GTF3C6: variants seen among roughly 807,000 people sequenced by gnomAD.
GTF3C6 encodes general transcription factor IIIC subunit 6.
A neutral mutation model predicts 19.2 loss-of-function variants in GTF3C6; 11 were observed. The observed-to-expected ratio is 0.57, with a 90% CI of 0.36 to 0.95. The LOEUF is 0.95. Among genes scored for constraint, GTF3C6 ranks in the 40% least tolerant of loss-of-function variants. The probability of loss-of-function intolerance (pLI) is 0.01; values close to 1 mark genes in which losing one functional copy is unlikely to be tolerated. For missense variants in GTF3C6, 222 were observed against 254.7 expected (o/e 0.87, Z 0.87); for synonymous variants, 87 against 84.2 (o/e 1.03, Z -0.18).
At position 110,967,753 on chromosome 6, in the gene GTF3C6, A is replaced by G. The variant is rs1771249731; in HGVS notation, c.605A>G (p.Glu202Gly). The G allele has an allele frequency of 1.2e-6, 2 of 1,611,234 alleles. No individual in the cohort carries two copies. Among genetic ancestry groups the G allele is most frequent in the South Asian group, 1.1e-5 (1 of 90,102 alleles). Reference sequence around the variant, plus strand: ...CTTATTGATATACCTTCTGAGACAGAAGGTTCTGTTTTTATGGAAACTCAA... The same window carrying G: ...CTTATTGATATACCTTCTGAGACAGGAGGTTCTGTTTTTATGGAAACTCAA... ...GPLIDIPSET[E>G]GSVFMETQML... The change falls in exon 6 of 6, where the codon GAA (glutamate) becomes GGA (glycine). Residue 202 changes from glutamate (E) to glycine (G), a missense_variant. Glu to Gly is a moderately conservative substitution (Grantham distance 98, BLOSUM62 -2). Coordinates refer to ENST00000329970, the MANE Select transcript of GTF3C6 (RefSeq NM_138408.4).
chr6:110,966,817 G>A (rs9400435), intron 5 of GTF3C6, among the ~76,000 whole-genome samples: 37,591 of 151,932 alleles, frequency 0.25, 5,370 homozygotes, highest in East Asian at 0.65. Flanking sequence ...ATGTTATTGC[G>A]GGAAAAAAAT....
chr6:110,958,917 C>G, intron 1 of GTF3C6, 91 bp downstream of exon 1: 1 of 1,387,722 alleles, frequency 7.2e-7, no homozygotes, highest in Non-Finnish European at 9.8e-7. Flanking sequence ...AGCTGCGGGC[C>G]GGAGGGAGGC....
chr6:110,960,437 T>C lies in GTF3C6; in HGVS notation c.162T>C (p.Ile54=). The change falls in exon 3 of 6, where the codon ATT becomes ATC. Residue 54 remains isoleucine, a synonymous_variant. Coordinates refer to ENST00000329970, the MANE Select transcript of GTF3C6 (RefSeq NM_138408.4). ...AGGGCATTGACACTGAGAGGCCCAT[T>C]CTGCAAGTGGACAGCTGTGTCTTTG... ...KVLGIDTERP[I]LQVDSCVFAG... is the part of the protein sequence containing the mutation. 1 of 1,613,936 alleles carries C rather than the reference T, an allele frequency of 6.2e-7. No individual in the cohort carries two copies. Among genetic ancestry groups the C allele is most frequent in the Non-Finnish European group, 8.5e-7 (1 of 1,179,950 alleles).
At position 110,967,629 on chromosome 6, in the gene GTF3C6, T is replaced by C. The variant is rs1160910698; in HGVS notation, c.481T>C (p.Leu161=). Residue 161 remains leucine, a synonymous_variant, in exon 6 of 6, where the codon TTG becomes CTG. Transcript: ENST00000329970. ...GGTAGCTTCAGCCCCAGATAAATCT[T>C]TGGAATTGGAAGAGGAAGAGATTCA... is the stretch of plus-strand genomic sequence containing the variant. ...EVVASAPDKS[L]ELEEEEIQMN... The C allele has an allele frequency of 1.2e-6, 2 of 1,614,074 alleles. No homozygotes were observed. Among genetic ancestry groups the C allele is most frequent in the Admixed American group, 1.7e-5 (1 of 60,000 alleles).
intron 2 of GTF3C6, 85 bp downstream of exon 2, chr6:110,959,337 A>G (rs866169245): frequency 8.7e-6 from 7 of 802,228 alleles, no homozygotes; most frequent in Middle Eastern, 5.3e-4. Flanking sequence ...ATCCGCAAGT[A>G]TTGATATATT....
At chr6:110,959,331 G>C (rs574088446) in intron 2 of GTF3C6, 79 bp downstream of exon 2, 2 of 836,208 alleles carry the variant, frequency 2.4e-6, no homozygotes, top group Admixed American at 2.1e-5. Flanking sequence ...ATACCTATCC[G>C]CAAGTATTGA....
At chr6:110,967,246 C>T (rs779968792) in intron 5 of GTF3C6, among the ~76,000 whole-genome samples, 19 of 151,892 alleles carry the variant, frequency 1.3e-4, no homozygotes, top group Non-Finnish European at 2.4e-4. Context: ...GAGCTGAGAA[C>T]TGAACTCTGG....
At chr6:110,966,720 A>T (rs905015668) in intron 5 of GTF3C6, among the ~76,000 whole-genome samples, 1 of 152,232 alleles carries the variant, frequency 6.6e-6, no homozygotes, top group South Asian at 2.1e-4. Context: ...AAGAGTGAAC[A>T]TCAAATTCAT....
chr6:110,964,233 C>CT (rs68061164), intron 5 of GTF3C6, among the ~76,000 whole-genome samples: 2 of 151,138 alleles, frequency 1.3e-5, no homozygotes, highest in African/African-American at 2.4e-5. Flanking sequence ...CTGGCTATTT[C>CT]TTTTTTTTGT....
chr6:110,958,863 G>A lies in GTF3C6; in HGVS notation c.57+37G>A, dbSNP rs541708715. On this transcript the variant is annotated intron_variant, in intron 1 of 5. Coordinates refer to ENST00000329970, the MANE Select transcript of GTF3C6 (RefSeq NM_138408.4). ...TACGCCAAAAGCCTGCACCGCAGTG[G>A]CGGTGATGCCTGTGCTGGCTGTGTG... The A allele has an allele frequency of 6.5e-6, 10 of 1,544,830 alleles. No individual in the cohort carries two copies. In the East Asian group the frequency reaches 2.0e-4, roughly 30 times the overall value.
Position 110,960,609 on chromosome 6 carries a change from T to C in GTF3C6, c.240T>C (p.Val80=). 3 of 1,613,194 alleles carry C rather than the reference T, an allele frequency of 1.9e-6. No individual in the cohort carries two copies. Among genetic ancestry groups the C allele is most frequent in the Non-Finnish European group, 2.5e-6 (3 of 1,179,144 alleles). The change falls in exon 4 of 6, where the codon GTT becomes GTC. Residue 80 remains valine, a synonymous_variant. Transcript: ENST00000329970. ...CCTGTGTTATATTTGAAGAAAATGT[T>C]GAACATGGTAAGTGATTGCTAGCCC... The part of the protein sequence containing the change: ...LGTCVIFEEN[V]EHADTEGNNK...
intron 2 of GTF3C6, among the ~76,000 whole-genome samples, chr6:110,959,593 GT>G (rs1771131857): frequency 6.6e-6 from 1 of 152,094 alleles, no homozygotes; most frequent in South Asian, 2.1e-4. Flanking sequence ...GGAGGCAGAG[GT>G]GGGAGGATCA....
At position 110,962,501 on chromosome 6, in the gene GTF3C6, C is replaced by T. The variant is rs1771173618; in HGVS notation, c.357C>T (p.Asn119=). The part of the protein sequence containing the change: ...LLTEKKEGEE[N]IGGVEWLQIK... Reference sequence around the variant, plus strand: ...CAGAGAAGAAGGAAGGAGAAGAAAACATAGGTTAGTTCCATTATTCTCTGA... The same window carrying T: ...CAGAGAAGAAGGAAGGAGAAGAAAATATAGGTTAGTTCCATTATTCTCTGA... Residue 119 remains asparagine (N), a synonymous_variant, in exon 5 of 6, where the codon AAC becomes AAT. Coordinates refer to ENST00000329970, the MANE Select transcript of GTF3C6 (RefSeq NM_138408.4). The T allele has an allele frequency of 6.4e-7, 1 of 1,557,854 alleles. No individual in the cohort carries two copies. The highest frequency in any genetic ancestry group is 8.9e-7 in the Non-Finnish European group (1 of 1,129,080).
chr6:110,965,095 A>G (rs955642272), intron 5 of GTF3C6, among the ~76,000 whole-genome samples: 1 of 150,432 alleles, frequency 6.6e-6, no homozygotes, highest in Non-Finnish European at 1.5e-5. Flanking sequence ...CAGCCTCCCA[A>G]AGTTTTGGGA....
intron 2 of GTF3C6, 135 bp downstream of exon 2, chr6:110,959,387 G>A (rs1771129179): frequency 6.7e-6 from 4 of 596,118 alleles, no homozygotes; most frequent in African/African-American, 1.9e-5. Context: ...AGGATAAGAA[G>A]TATACTAAGT....
intron 1 of GTF3C6, 34 bp from the exon 2 acceptor site, chr6:110,959,138 G>C (rs1387943584): frequency 4.8e-6 from 7 of 1,469,278 alleles, no homozygotes; most frequent in Non-Finnish European, 6.7e-6. Flanking sequence ...GGCCGCTCGC[G>C]TGCTAGCATG....
rs377251086 is a variant in GTF3C6 at position 110,959,961 on chromosome 6, T to TA, written c.139-441dup. ...AACAAAGGGCAAAACTCCATCTCAATAAAAAAAAAAAATAATAATAATAAT... is the reference window on the plus strand; with the variant it reads ...AACAAAGGGCAAAACTCCATCTCAATAAAAAAAAAAAAATAATAATAATAAT... On this transcript the variant is annotated intron_variant, in intron 2 of 5. Coordinates refer to ENST00000329970, the MANE Select transcript of GTF3C6 (RefSeq NM_138408.4). Among the ~76,000 whole-genome samples, 908 of 93,008 alleles carry TA rather than the reference T, an allele frequency of 9.8e-3. 13 individuals are homozygous for TA. The highest frequency in any genetic ancestry group is 0.04 in the African/African-American group (788 of 19,566). 61.0% of individuals were successfully genotyped at this position (93,008 alleles called of 152,430 possible).
rs147043571 is a variant in GTF3C6 at position 110,962,744 on chromosome 6, A to G, written c.361+239A>G. Among the ~76,000 whole-genome samples the G allele has an allele frequency of 1.2e-3, 183 of 151,776 alleles. 1 individual carries two copies. The East Asian group carries it at 0.032, about 26-fold the overall frequency. ...CAGGCTCCTGAGCAACAGGGATTACAGGCACCCACCACCACGCCCAGCCAA... is the reference window on the plus strand; with the variant it reads ...CAGGCTCCTGAGCAACAGGGATTACGGGCACCCACCACCACGCCCAGCCAA... On this transcript the variant is annotated intron_variant, in intron 5 of 5. Transcript: ENST00000329970.
intron 2 of GTF3C6, among the ~76,000 whole-genome samples, chr6:110,959,960 A>AT (rs68112012): frequency 0.21 from 31,503 of 149,246 alleles, 3,528 homozygotes; most frequent in African/African-American, 0.31. Context: ...CTCCATCTCA[A>AT]TAAAAAAAAA....
Sources: gnomAD v4.1 joint callset for allele counts (sites outside exome capture counted in the v4.1 genomes callset) on GRCh38, gnomAD v4.1.1 for gene constraint, MANE v1.5 for transcripts, NCBI Gene and HGNC (gene_info 2026-07-23, HGNC 2026-07-21) for gene names.